SEM1: variants seen among roughly 807,000 people sequenced by gnomAD.
SEM1 encodes 26S proteasome complex subunit SEM1.
A neutral mutation model predicts 12.7 loss-of-function variants in SEM1; 3 were observed. That is an observed-to-expected ratio of 0.24 (90% CI 0.11 to 0.61). The LOEUF (loss-of-function observed/expected upper bound fraction) is 0.61. Ranked by LOEUF, SEM1 falls within the 20% of genes least tolerant of loss-of-function variation. SEM1 has a pLI of 0.88. For missense variants in SEM1, 59 were observed against 81.3 expected (o/e 0.73, Z 1.06); for synonymous variants, 30 against 27.8 (o/e 1.08, Z -0.25).
At chr7:96,687,611 C>T (rs1367538380), downstream of SEM1, among the ~76,000 whole-genome samples, 3 of 150,852 alleles carry the variant, frequency 2.0e-5, no homozygotes, top group Middle Eastern at 3.4e-3. Flanking sequence ...GGAAGGGGAA[C>T]ATCACACTCT....
At chr7:96,626,309 C>T (rs1255965492) in intron 2 of SEM1, among the ~76,000 whole-genome samples, 1 of 152,122 alleles carries the variant, frequency 6.6e-6, no homozygotes, top group Non-Finnish European at 1.5e-5. Flanking sequence ...TTTCACTTAA[C>T]ATAATGACCT....
At chr7:96,582,691 T>C (rs1210267976) in intron 2 of SEM1, among the ~76,000 whole-genome samples, 2 of 152,296 alleles carry the variant, frequency 1.3e-5, no homozygotes, top group African/African-American at 4.8e-5. Context: ...TCTTCCTGGT[T>C]TAGTCTTGGG....
chr7:96,601,291 A>G (rs1807191396), intron 2 of SEM1, among the ~76,000 whole-genome samples: 1 of 152,214 alleles, frequency 6.6e-6, no homozygotes, highest in African/African-American at 2.4e-5. Flanking sequence ...AATAAAAGAC[A>G]TACTAAATGA....
upstream of SEM1, among the ~76,000 whole-genome samples, chr7:96,500,604 C>T (rs959545861): frequency 2.0e-5 from 3 of 152,156 alleles, no homozygotes; most frequent in South Asian, 2.1e-4. Context: ...CTCTGAACTC[C>T]GTAAATGGAT....
At chr7:96,536,404 A>C (rs540790983) in intron 2 of SEM1, among the ~76,000 whole-genome samples, 1 of 151,870 alleles carries the variant, frequency 6.6e-6, no homozygotes, top group African/African-American at 2.4e-5. Context: ...TATTGGTAGG[A>C]GCATTCTATA....
chr7:96,546,302 A>C (rs1018268820), intron 2 of SEM1, among the ~76,000 whole-genome samples: 4 of 152,084 alleles, frequency 2.6e-5, no homozygotes, highest in South Asian at 4.1e-4. Context: ...ATTACAGTAA[A>C]ATTTAAAAAT....
rs561513966 is a variant in SEM1 at position 96,694,480 on chromosome 7, T to G, written c.170+318A>C. Among the ~76,000 whole-genome samples the G allele has an allele frequency of 3.3e-5, 5 of 152,154 alleles. No individual in the cohort carries two copies. In the East Asian group the frequency reaches 9.7e-4, roughly 29 times the overall value. On this transcript the variant is annotated intron_variant, in intron 2 of 2. Transcript: ENST00000248566. The stretch of plus-strand genomic sequence containing the variant: ...ATTAGGTCCCAGCACTCTATGATTC[T>G]AATTTCTGCTGAGTTATTTGATATT...
rs539904209 is a variant in SEM1, at chr7:96,629,888, A to T, written c.171-7245T>A. On this transcript the variant is annotated intron_variant, in intron 2 of 2. Transcript: ENST00000417009. ...TGCAGTGGTTCCTCCAGACTCATAG[A>T]GGTACTGCCTTGATGGTCTTGGATA... Among the ~76,000 whole-genome samples the T allele has an allele frequency of 2.6e-5, 4 of 152,328 alleles. No individual in the cohort carries two copies. In the South Asian group the frequency reaches 6.2e-4, roughly 24 times the overall value.
chr7:96,705,662 C>G (rs1007537360), intron 1 of SEM1, among the ~76,000 whole-genome samples: 1 of 151,334 alleles, frequency 6.6e-6, no homozygotes, highest in African/African-American at 2.4e-5. Context: ...CCCATCTCTA[C>G]AAAAAAAATT....
At chr7:96,560,857 T>C (rs1365549537) in intron 2 of SEM1, among the ~76,000 whole-genome samples, 1 of 152,204 alleles carries the variant, frequency 6.6e-6, no homozygotes, top group African/African-American at 2.4e-5. Flanking sequence ...CACCCTATCA[T>C]ATAATAAATT....
intron 2 of SEM1, among the ~76,000 whole-genome samples, chr7:96,625,562 A>T (rs1404100172): frequency 1.3e-5 from 2 of 152,196 alleles, no homozygotes; most frequent in African/African-American, 4.8e-5. Flanking sequence ...AAGCAAAATA[A>T]TAAGTCTCAA....
chr7:96,657,198 C>T (rs891147265), intron 2 of SEM1, among the ~76,000 whole-genome samples: 1 of 152,130 alleles, frequency 6.6e-6, no homozygotes, highest in Non-Finnish European at 1.5e-5. Context: ...TTTTGAGATG[C>T]TATCTGTAGA....
At chr7:96,484,849 G>T (rs1349294006) in exon 3 of SEM1, 3 of 1,287,672 alleles carry the variant, frequency 2.3e-6, no homozygotes, top group Non-Finnish European at 3.0e-6. Context: ...TTTTCTTGAG[G>T]TGGAGCTGTA....
chr7:96,530,623 T>G (rs1804610229), intron 2 of SEM1, among the ~76,000 whole-genome samples: 1 of 152,140 alleles, frequency 6.6e-6, no homozygotes, highest in South Asian at 2.1e-4. Context: ...GTCCCAGTGA[T>G]GCCTCATTCC....
intron 2 of SEM1, among the ~76,000 whole-genome samples, chr7:96,527,207 G>GA (rs1295893842): frequency 3.9e-5 from 6 of 152,024 alleles, no homozygotes; most frequent in African/African-American, 1.2e-4. Context: ...GAGGGAAAGG[G>GA]AAAAAAATCC....
intron 2 of SEM1, among the ~76,000 whole-genome samples, chr7:96,604,717 G>A (rs938916640): frequency 2.0e-5 from 3 of 151,946 alleles, no homozygotes; most frequent in Admixed American, 6.6e-5. Context: ...TCCAGAGTTC[G>A]AGACCAGCCT....
chr7:96,709,825 T>C lies in SEM1; in HGVS notation c.-62A>G. The C allele has an allele frequency of 6.6e-7, 1 of 1,515,062 alleles. No homozygotes were observed. Among genetic ancestry groups the C allele is most frequent in the South Asian group, 1.1e-5 (1 of 88,788 alleles). The allele number at this position is 1,515,062 out of a possible 1,614,324, so 93.9% of individuals were successfully genotyped here. ...GAAAAGTTGGAACCCTCACTCTTCC[T>C]CAAGGAAACGCCACCGTCACTACCG... On this transcript the variant is annotated 5_prime_UTR_variant, in exon 1 of 3. Transcript: ENST00000248566.
chr7:96,489,225 C>T (rs747008814), intron 1 of SEM1, among the ~76,000 whole-genome samples: 1 of 152,134 alleles, frequency 6.6e-6, no homozygotes, highest in Admixed American at 6.6e-5. Context: ...TATTGCTCTG[C>T]TCCATTCCTG....
chr7:96,613,551 T>C (rs887869458), intron 2 of SEM1, among the ~76,000 whole-genome samples: 1 of 152,188 alleles, frequency 6.6e-6, no homozygotes, highest in African/African-American at 2.4e-5. Context: ...GGTAATACTA[T>C]TTACAATCCT....
Sources: gnomAD v4.1 joint callset for allele counts (sites outside exome capture counted in the v4.1 genomes callset) on GRCh38, gnomAD v4.1.1 for gene constraint, MANE v1.5 for transcripts, NCBI Gene and HGNC (gene_info 2026-07-23, HGNC 2026-07-21) for gene names.